CCDC148: variants seen among roughly 807,000 people sequenced by gnomAD.
CCDC148 encodes the protein coiled-coil domain-containing protein 148.
In CCDC148, 89 loss-of-function variants were observed where a neutral mutation model predicts 85.7. That is an observed-to-expected ratio of 1.04 (90% CI 0.87 to 1.24). The LOEUF (loss-of-function observed/expected upper bound fraction) is 1.24. Ranked by LOEUF, CCDC148 falls within the 50% of genes most tolerant of loss-of-function variation. The pLI, the probability that CCDC148 is intolerant of heterozygous loss-of-function variation, is 0.00. For missense variants in CCDC148, 692 were observed against 671.7 expected, an observed-to-expected ratio of 1.03 and a Z score of -0.33; for synonymous variants, 230 against 213.9, an observed-to-expected ratio of 1.08 and a Z score of -0.66.
intron 10 of CCDC148, among the ~76,000 whole-genome samples, chr2:158,226,237 C>T (rs965861067): frequency 3.9e-5 from 6 of 152,146 alleles, no homozygotes; most frequent in Non-Finnish European, 8.8e-5. Context: ...CACATACACC[C>T]TCCCAAGACT....
intron 9 of CCDC148, among the ~76,000 whole-genome samples, chr2:158,307,837 G>A (rs1691770858): frequency 1.3e-5 from 2 of 152,110 alleles, no homozygotes; most frequent in South Asian, 2.1e-4. Flanking sequence ...AAAACTAATC[G>A]ATGGTCATGA....
At position 158,317,190 on chromosome 2, in the gene CCDC148, T is replaced by C. The variant is rs193299766; in HGVS notation, c.765-3296A>G. Reference sequence around the variant, plus strand: ...AGAAAACTTTTAAAGTGTCCTAAGCTTTTTGCAATTTACAAAAAAAAATCT... The same window carrying C: ...AGAAAACTTTTAAAGTGTCCTAAGCCTTTTGCAATTTACAAAAAAAAATCT... On this transcript the variant is annotated intron_variant, in intron 7 of 13. Transcript: ENST00000283233. 3.3e-5 allele frequency among the ~76,000 whole-genome samples: 5 copies of C among 152,326 alleles called. No individual in the cohort carries two copies. The East Asian group carries it at 9.6e-4, about 29-fold the overall frequency.
chr2:158,282,697 T>C (rs57969974), intron 9 of CCDC148, among the ~76,000 whole-genome samples: 9,777 of 152,214 alleles, frequency 0.064, 381 homozygotes, highest in Non-Finnish European at 0.081. Flanking sequence ...AAAATGGCCA[T>C]ACTGCCCAAG....
intron 1 of CCDC148, among the ~76,000 whole-genome samples, chr2:158,392,465 A>G (rs912928108): frequency 2.0e-5 from 3 of 152,122 alleles, no homozygotes; most frequent in Admixed American, 6.6e-5. Flanking sequence ...CCAATATGAT[A>G]TTCAAAAAAA....
chr2:158,357,880 T>C (rs1490167877), intron 2 of CCDC148, among the ~76,000 whole-genome samples: 1 of 152,182 alleles, frequency 6.6e-6, no homozygotes, highest in African/African-American at 2.4e-5. Context: ...AAAATACTGT[T>C]TTCAATGAAC....
At chr2:158,444,321 T>A (rs2105345409) in intron 1 of CCDC148, among the ~76,000 whole-genome samples, 1 of 152,268 alleles carries the variant, frequency 6.6e-6, no homozygotes, top group African/African-American at 2.4e-5. Context: ...ATTGGGCCAG[T>A]ATTAATACTG....
At chr2:158,283,957 T>C (rs1479440689) in intron 9 of CCDC148, among the ~76,000 whole-genome samples, 1 of 148,108 alleles carries the variant, frequency 6.8e-6, no homozygotes, top group South Asian at 2.2e-4. Flanking sequence ...TAAAAAATGA[T>C]GAGTTCATGT....
At chr2:158,442,150 A>G (rs546058190) in intron 1 of CCDC148, among the ~76,000 whole-genome samples, 3 of 152,308 alleles carry the variant, frequency 2.0e-5, no homozygotes, top group Non-Finnish European at 4.4e-5. Flanking sequence ...ATAAAAAACA[A>G]AGGCTTTTTA....
rs1017053586 is a variant in CCDC148, at chr2:158,171,837, A to C, written c.*276T>G. The C allele has an allele frequency of 4.4e-5, 9 of 204,730 alleles. 1 individual carries two copies. Among genetic ancestry groups the C allele is most frequent in the East Asian group, 3.4e-4 (3 of 8,792 alleles). 12.7% of individuals were successfully genotyped at this position (204,730 alleles called of 1,614,324 possible). Reference sequence around the variant, plus strand: ...TTTTTATAGGATAACATAACCTCCAACATGTAGTTTACTAAATTATAGTAT... The same window carrying C: ...TTTTTATAGGATAACATAACCTCCACCATGTAGTTTACTAAATTATAGTAT... On this transcript the variant is annotated 3_prime_UTR_variant, in exon 14 of 14. Coordinates refer to ENST00000283233, the MANE Select transcript of CCDC148 (RefSeq NM_138803.4).
At chr2:158,315,993 A>G (rs1692264848) in intron 7 of CCDC148, among the ~76,000 whole-genome samples, 1 of 152,178 alleles carries the variant, frequency 6.6e-6, no homozygotes, top group South Asian at 2.1e-4. Flanking sequence ...CTTCCTTCAC[A>G]GCCCTCCCTC....
At position 158,178,954 on chromosome 2, in the gene CCDC148, C is replaced by G; in HGVS notation, c.1413G>C (p.Glu471Asp). Reference protein sequence around the residue: ...RQELLERRLMEKKEVALQEAH... With the variant: ...RQELLERRLMDKKEVALQEAH... ...CTTCTTGAAGGGCCACTTCCTTTTTCTCCATCAAACGCCTTTCCAATAATT... is the reference window on the plus strand; with the variant it reads ...CTTCTTGAAGGGCCACTTCCTTTTTGTCCATCAAACGCCTTTCCAATAATT... The change falls in exon 12 of 14, where the codon GAG becomes GAC. Residue 471 changes from glutamate to aspartate, a missense_variant. Glu to Asp is a conservative substitution (Grantham distance 45). Transcript: ENST00000283233. The G allele has an allele frequency of 6.2e-7, 1 of 1,613,570 alleles. No homozygotes were observed. Among genetic ancestry groups the G allele is most frequent in the Non-Finnish European group, 8.5e-7 (1 of 1,179,756 alleles).
At chr2:158,249,321 T>G (rs756137507) in intron 10 of CCDC148, among the ~76,000 whole-genome samples, 3 of 152,162 alleles carry the variant, frequency 2.0e-5, no homozygotes, top group Non-Finnish European at 4.4e-5. Flanking sequence ...GGATATGCTT[T>G]TCAATAACTG....
intron 1 of CCDC148, among the ~76,000 whole-genome samples, chr2:158,389,790 G>A (rs1020138004): frequency 1.1e-4 from 17 of 152,182 alleles, no homozygotes; most frequent in African/African-American, 4.1e-4. Context: ...GTGGAGTAGT[G>A]CAGATGAAAT....
At chr2:158,273,177 T>C (rs1382677206) in intron 9 of CCDC148, among the ~76,000 whole-genome samples, 1 of 152,146 alleles carries the variant, frequency 6.6e-6, no homozygotes, top group African/African-American at 2.4e-5. Context: ...AAAATTTTGA[T>C]AGGAGTCATA....
chr2:158,452,514 T>C (rs796160043), intron 1 of CCDC148, among the ~76,000 whole-genome samples: 61 of 152,326 alleles, frequency 4.0e-4, no homozygotes, highest in African/African-American at 1.5e-3. Context: ...AAATATTCCT[T>C]ATGCCAAAAT....
Position 158,340,270 on chromosome 2 carries a change from T to G in CCDC148, c.458A>C (p.Glu153Ala), listed in dbSNP as rs768363084. 5.0e-6 allele frequency: 8 copies of G among 1,613,908 alleles called. No homozygotes were observed. The highest frequency in any genetic ancestry group is 6.8e-6 in the Non-Finnish European group (8 of 1,179,942). ...TTCCAATACTTTCATGGAGTTAAACTCAATATGTGGGTGTGAATGCTGCAA... is the reference window on the plus strand; with the variant it reads ...TTCCAATACTTTCATGGAGTTAAACGCAATATGTGGGTGTGAATGCTGCAA... ...HTLQHSHPHI[E>A]FNSMKVLEEV... Residue 153 changes from glutamate (E) to alanine (A), a missense_variant, in exon 5 of 14, where the codon GAG becomes GCG. Transcript: ENST00000283233.
intron 1 of CCDC148, among the ~76,000 whole-genome samples, chr2:158,360,586 A>C (rs1321879265): frequency 6.6e-6 from 1 of 152,190 alleles, no homozygotes; most frequent in Non-Finnish European, 1.5e-5. Flanking sequence ...GAGGGGCCTG[A>C]CTGTTAGAAG....
chr2:158,212,576 C>G (rs1035301707), intron 11 of CCDC148, among the ~76,000 whole-genome samples: 13 of 152,080 alleles, frequency 8.5e-5, no homozygotes, highest in African/African-American at 3.1e-4. Context: ...TGGCTCTAGT[C>G]TCTTCCTTCC....
At chr2:158,318,410 T>C (rs1407450223) in intron 7 of CCDC148, among the ~76,000 whole-genome samples, 3 of 152,086 alleles carry the variant, frequency 2.0e-5, no homozygotes, top group Non-Finnish European at 2.9e-5. Flanking sequence ...AAGTGACCTA[T>C]AGGATAAAGC....
Sources: gnomAD v4.1 joint callset for allele counts (sites outside exome capture counted in the v4.1 genomes callset) on GRCh38, gnomAD v4.1.1 for gene constraint, MANE v1.5 for transcripts, NCBI Gene and HGNC (gene_info 2026-07-23, HGNC 2026-07-21) for gene names.